Variants in HCN1 observed in about 807,000 individuals in gnomAD.
The protein encoded by HCN1 is potassium/sodium hyperpolarization-activated cyclic nucleotide-gated channel 1.
In HCN1, 13 loss-of-function variants were observed where a neutral mutation model predicts 78.9. The observed-to-expected ratio is 0.16, with a 90% CI of 0.11 to 0.26. HCN1 has a LOEUF of 0.26. HCN1 is among the 10% of genes least tolerant of loss of function. The pLI is 1.00. For missense variants in HCN1, 810 were observed against 1,154.3 expected (o/e 0.70, Z 4.32); for synonymous variants, 552 against 455.5 (o/e 1.21, Z -2.70).
intron 2 of HCN1, among the ~76,000 whole-genome samples, chr5:45,611,337 T>C (rs575888560): frequency 6.5e-4 from 91 of 139,984 alleles, no homozygotes; most frequent in South Asian, 5.1e-4. Flanking sequence ...AGTGACACAA[T>C]CTTGGCTCAT....
At chr5:45,599,556 C>T (rs1271602500) in intron 2 of HCN1, among the ~76,000 whole-genome samples, 1 of 151,952 alleles carries the variant, frequency 6.6e-6, no homozygotes, top group Non-Finnish European at 1.5e-5. Context: ...GATAAAGTCA[C>T]CTCTTTCAGA....
intron 4 of HCN1, among the ~76,000 whole-genome samples, chr5:45,367,794 A>T (rs1166828536): frequency 6.6e-6 from 1 of 151,952 alleles, no homozygotes; most frequent in Non-Finnish European, 1.5e-5. Context: ...CATCAATACA[A>T]AACAAAACAA....
chr5:45,507,154 A>G (rs1169064393), intron 2 of HCN1, among the ~76,000 whole-genome samples: 1 of 152,194 alleles, frequency 6.6e-6, no homozygotes, highest in African/African-American at 2.4e-5. Context: ...CATGTTTTAC[A>G]TATGTTTTTT....
intron 5 of HCN1, among the ~76,000 whole-genome samples, chr5:45,314,486 T>C (rs1187349779): frequency 1.3e-5 from 2 of 152,174 alleles, no homozygotes; most frequent in East Asian, 1.9e-4. Flanking sequence ...AACATCATAA[T>C]GACAGGACGA....
intron 4 of HCN1, among the ~76,000 whole-genome samples, chr5:45,372,267 ATAT>A (rs1747412522): frequency 4.6e-5 from 4 of 86,754 alleles, no homozygotes; most frequent in Non-Finnish European, 6.1e-5. Context: ...ATTTATATAT[ATAT>A]TTATATATAT....
At chr5:45,525,903 G>C (rs192447474) in intron 2 of HCN1, among the ~76,000 whole-genome samples, 1 of 151,948 alleles carries the variant, frequency 6.6e-6, no homozygotes, top group Admixed American at 6.6e-5. Flanking sequence ...ATTAGGTCAA[G>C]GTGATAGAGC....
At chr5:45,371,846 AATAT>A (rs1358531681) in intron 4 of HCN1, among the ~76,000 whole-genome samples, 1 of 128,632 alleles carries the variant, frequency 7.8e-6, no homozygotes, top group Non-Finnish European at 1.6e-5. Flanking sequence ...TTATATATAA[AATAT>A]ATATAATATA....
intron 2 of HCN1, among the ~76,000 whole-genome samples, chr5:45,609,425 G>A (rs1338170404): frequency 6.6e-6 from 1 of 151,870 alleles, no homozygotes; most frequent in Non-Finnish European, 1.5e-5. Context: ...TTTTCCCTTT[G>A]TCATGCTGGA....
intron 2 of HCN1, among the ~76,000 whole-genome samples, chr5:45,542,080 CA>C (rs1743117095): frequency 6.6e-6 from 1 of 151,894 alleles, no homozygotes; most frequent in Non-Finnish European, 1.5e-5. Context: ...GTGAAAGAGC[CA>C]GATAACTGGA....
intron 5 of HCN1, among the ~76,000 whole-genome samples, chr5:45,349,146 A>G (rs1456465922): frequency 6.6e-6 from 1 of 152,190 alleles, no homozygotes; most frequent in African/African-American, 2.4e-5. Flanking sequence ...CAGCAAATGT[A>G]AAAGAACAGA....
At chr5:45,639,486 T>C (rs1381313229) in intron 2 of HCN1, among the ~76,000 whole-genome samples, 2 of 152,204 alleles carry the variant, frequency 1.3e-5, no homozygotes, top group Non-Finnish European at 2.9e-5. Context: ...CTTTATGTGA[T>C]TTTCCCTAGA....
At chr5:45,347,714 G>T (rs1429300190) in intron 5 of HCN1, among the ~76,000 whole-genome samples, 3 of 152,158 alleles carry the variant, frequency 2.0e-5, no homozygotes, top group African/African-American at 7.2e-5. Context: ...ACTACGTGAA[G>T]AATGCAGAAG....
intron 4 of HCN1, among the ~76,000 whole-genome samples, chr5:45,374,001 TTA>T (rs1410334841): frequency 9.4e-6 from 1 of 106,388 alleles, no homozygotes; most frequent in Admixed American, 1.2e-4. Context: ...ATAATATATA[TTA>T]TATACATAAT....
At chr5:45,464,028 G>T (rs1300591776) in intron 2 of HCN1, among the ~76,000 whole-genome samples, 1 of 152,088 alleles carries the variant, frequency 6.6e-6, no homozygotes, top group Non-Finnish European at 1.5e-5. Context: ...TTAGAGTGGA[G>T]TATGGAATGG....
chr5:45,398,950 T>A (rs568596995), intron 3 of HCN1, among the ~76,000 whole-genome samples: 16 of 152,224 alleles, frequency 1.1e-4, no homozygotes, highest in Admixed American at 2.0e-4. Flanking sequence ...GCCGTGCCCA[T>A]GTGTAAACAT....
At chr5:45,584,231 T>C (rs1172876746) in intron 2 of HCN1, among the ~76,000 whole-genome samples, 6 of 152,204 alleles carry the variant, frequency 3.9e-5, no homozygotes, top group Non-Finnish European at 5.9e-5. Flanking sequence ...GGTGCATATA[T>C]ATTTAGGATA....
chr5:45,458,959 CT>C (rs1162390441), intron 3 of HCN1, among the ~76,000 whole-genome samples: 4 of 152,004 alleles, frequency 2.6e-5, no homozygotes, highest in African/African-American at 9.7e-5. Flanking sequence ...ATATACTTTG[CT>C]TTTTATTATT....
At chr5:45,559,431 T>C (rs1481523352) in intron 2 of HCN1, 6 of 152,208 alleles carry the variant, frequency 3.9e-5, no homozygotes, top group African/African-American at 1.2e-4. Flanking sequence ...CATCTGTGAT[T>C]CATGGGATGT....
At chr5:45,520,851 A>T (rs1005565221) in intron 2 of HCN1, among the ~76,000 whole-genome samples, 5 of 152,006 alleles carry the variant, frequency 3.3e-5, no homozygotes, top group Admixed American at 6.6e-5. Context: ...TTATAATATA[A>T]TATAAGTGTT....
Sources: allele counts gnomAD v4.1 joint callset (sites outside exome capture counted in the v4.1 genomes callset), GRCh38; gene constraint gnomAD v4.1.1; transcripts MANE v1.5; gene names NCBI Gene and HGNC (gene_info 2026-07-23, HGNC 2026-07-21).